NCOA7: variants seen among roughly 807,000 people sequenced by gnomAD.
NCOA7 encodes 140 kDa estrogen receptor-associated protein.
A neutral mutation model predicts 104.3 loss-of-function variants in NCOA7; 45 were observed. The ratio of observed to expected loss-of-function variants is 0.43; its 90% confidence interval spans 0.34 to 0.55. The LOEUF is 0.55. NCOA7 is among the 20% of genes least tolerant of loss of function. The probability of loss-of-function intolerance (pLI) is 0.02; values close to 1 mark genes in which losing one functional copy is unlikely to be tolerated. For missense variants in NCOA7, 1,041 were observed against 1,119.7 expected (o/e 0.93, Z 1.00); for synonymous variants, 398 against 402.3 (o/e 0.99, Z 0.13).
chr6:125,903,536 A>T (rs183794463), intron 10 of NCOA7, among the ~76,000 whole-genome samples: 2 of 152,180 alleles, frequency 1.3e-5, no homozygotes, highest in East Asian at 3.9e-4. Flanking sequence ...ATTCACATAC[A>T]TTCCCTCCCT....
At chr6:125,893,115 A>T (rs1562150887) in intron 10 of NCOA7, among the ~76,000 whole-genome samples, 1 of 152,328 alleles carries the variant, frequency 6.6e-6, no homozygotes, top group East Asian at 1.9e-4. Context: ...TGGCATGTAC[A>T]GCTTTTCTCA....
chr6:125,822,796 A>T (rs1346760949), intron 2 of NCOA7, among the ~76,000 whole-genome samples: 1 of 152,004 alleles, frequency 6.6e-6, no homozygotes, highest in African/African-American at 2.4e-5. Flanking sequence ...TTAGCTGGGC[A>T]TGGTGGCACA....
intron 1 of NCOA7, among the ~76,000 whole-genome samples, chr6:125,805,820 A>G (rs906640628): frequency 2.0e-5 from 3 of 152,160 alleles, no homozygotes; most frequent in African/African-American, 7.2e-5. Flanking sequence ...TGAAAATGGT[A>G]TTTCATGAAC....
chr6:125,922,826 G>A lies in NCOA7; in HGVS notation c.2515G>A (p.Asp839Asn). 2 of 1,613,988 alleles carry A rather than the reference G, an allele frequency of 1.2e-6. No homozygotes were observed. The highest frequency in any genetic ancestry group is 1.7e-6 in the Non-Finnish European group (2 of 1,179,984). The change falls in exon 13 of 16, where the codon GAT becomes AAT. Residue 839 changes from aspartate to asparagine, a missense_variant. By Grantham distance (23) the Asp-to-Asn change is conservative. This residue lies in a region of NCOA7 where 127 missense variants were observed against 177.0 expected (regional missense o/e 0.72). Transcript: ENST00000392477. ...TGTCCTATTGGTCATCAAAGATATGGATAATCAGGTGAGGCCTGTCCCTCT... is the reference window on the plus strand; with the variant it reads ...TGTCCTATTGGTCATCAAAGATATGAATAATCAGGTGAGGCCTGTCCCTCT... ...SPVLLVIKDM[D>N]NQIFGAYATH...
intron 3 of NCOA7, among the ~76,000 whole-genome samples, chr6:125,871,688 T>C (rs1369394342): frequency 4.6e-5 from 7 of 151,936 alleles, no homozygotes; most frequent in Non-Finnish European, 1.0e-4. Flanking sequence ...TACTGGAAGG[T>C]TTATTCAACT....
chr6:125,834,046 G>C (rs533081436), intron 2 of NCOA7, among the ~76,000 whole-genome samples: 92 of 151,664 alleles, frequency 6.1e-4, no homozygotes, highest in African/African-American at 2.0e-3. Flanking sequence ...AAAAACATTT[G>C]GTCGGTAGGA....
chr6:125,841,479 G>A (rs996467236), intron 2 of NCOA7, among the ~76,000 whole-genome samples: 52 of 152,020 alleles, frequency 3.4e-4, no homozygotes, highest in African/African-American at 1.2e-3. Context: ...ACAACCTGTG[G>A]TTGGTTAAAA....
At chr6:125,837,793 T>C (rs551277882) in intron 2 of NCOA7, among the ~76,000 whole-genome samples, 4 of 152,226 alleles carry the variant, frequency 2.6e-5, no homozygotes, top group Admixed American at 6.5e-5. Flanking sequence ...TTCTCATCAT[T>C]GCACTTATTA....
rs1305156496 is a variant in NCOA7 at position 125,890,743 on chromosome 6, G to A, written c.2029G>A (p.Ala677Thr). ...MRKSFATHTAAMVQQYGKRRK... is the reference protein window; with the variant it reads ...MRKSFATHTATMVQQYGKRRK... ...AAAATCCTTTGCCACTCACACTGCA[G>A]CCATGGTCCAGCAGTACGGCAAACG... is the stretch of plus-strand genomic sequence containing the variant. The change falls in exon 10 of 16, where the codon GCC (alanine) becomes ACC (threonine). Residue 677 changes from alanine to threonine, a missense_variant. Around this residue, in one of 2 missense-constraint regions of NCOA7, gnomAD observed 914 missense variants for 942.7 expected, o/e 0.97. Transcript: ENST00000392477. 2 of 1,613,892 alleles carry A rather than the reference G, an allele frequency of 1.2e-6. No individual in the cohort carries two copies. Among genetic ancestry groups the A allele is most frequent in the Non-Finnish European group, 1.7e-6 (2 of 1,179,896 alleles).
At chr6:125,782,436 G>A (rs1774268938) in intron 1 of NCOA7, among the ~76,000 whole-genome samples, 1 of 152,114 alleles carries the variant, frequency 6.6e-6, no homozygotes, top group Non-Finnish European at 1.5e-5. Context: ...ATTCCACATT[G>A]TCATTTATTA....
chr6:125,914,789 G>A (rs1786903384), intron 10 of NCOA7, among the ~76,000 whole-genome samples: 1 of 152,122 alleles, frequency 6.6e-6, no homozygotes, highest in Non-Finnish European at 1.5e-5. Flanking sequence ...CAGAGAAGTT[G>A]GAAGCAAAGA....
At chr6:125,790,907 C>T (rs931962638), upstream of NCOA7, 2 of 152,572 alleles carry the variant, frequency 1.3e-5, no homozygotes, top group Non-Finnish European at 2.9e-5. Flanking sequence ...CCGCCTCCTC[C>T]TCTTGCTCCT....
At chr6:125,827,166 C>A (rs1778732088) in intron 2 of NCOA7, among the ~76,000 whole-genome samples, 1 of 104,624 alleles carries the variant, frequency 9.6e-6, no homozygotes, top group East Asian at 2.6e-4. Flanking sequence ...CCAGCCTGGG[C>A]AACAAGAGTG....
chr6:125,888,880 T>G, intron 8 of NCOA7, 59 bp from the exon 9 acceptor site: 1 of 1,348,236 alleles, frequency 7.4e-7, no homozygotes, highest in Non-Finnish European at 9.9e-7. Flanking sequence ...CTTTCCTCCA[T>G]TTTGTTTTTG....
chr6:125,911,199 T>G (rs1297832679), intron 10 of NCOA7, among the ~76,000 whole-genome samples: 1 of 152,222 alleles, frequency 6.6e-6, no homozygotes, highest in Non-Finnish European at 1.5e-5. Flanking sequence ...GCTGTGATGT[T>G]TAGCATTTAT....
intron 1 of NCOA7, among the ~76,000 whole-genome samples, chr6:125,804,066 A>G (rs545432706): frequency 1.1e-4 from 17 of 152,270 alleles, no homozygotes; most frequent in African/African-American, 2.9e-4. Flanking sequence ...ACATTGGCAC[A>G]TATTCTCTGC....
intron 1 of NCOA7, among the ~76,000 whole-genome samples, chr6:125,800,290 C>T (rs144638103): frequency 6.6e-6 from 1 of 152,284 alleles, no homozygotes; most frequent in Non-Finnish European, 1.5e-5. Flanking sequence ...ATAGTCTAGA[C>T]TGGTGGTTTC....
At chr6:125,851,495 T>C (rs1781126240) in intron 2 of NCOA7, among the ~76,000 whole-genome samples, 1 of 152,224 alleles carries the variant, frequency 6.6e-6, no homozygotes, top group Non-Finnish European at 1.5e-5. Context: ...TATCCACTCA[T>C]CAGTTGATGG....
chr6:125,831,089 T>C (rs184813972), intron 2 of NCOA7, among the ~76,000 whole-genome samples: 4 of 152,202 alleles, frequency 2.6e-5, no homozygotes, highest in Non-Finnish European at 5.9e-5. Flanking sequence ...TATGGCATAT[T>C]AGTACTGTCA....
Sources: allele counts gnomAD v4.1 joint callset (sites outside exome capture counted in the v4.1 genomes callset), GRCh38; gene constraint gnomAD v4.1.1; regional missense constraint gnomAD v4.1.1; transcripts MANE v1.5; gene names NCBI Gene and HGNC (gene_info 2026-07-23, HGNC 2026-07-21).